Variants in GNAL observed in about 807,000 individuals in gnomAD.
GNAL encodes guanine nucleotide-binding protein G(olf) subunit alpha.
In GNAL, 18 loss-of-function variants were observed where a neutral mutation model predicts 55.1. That is an observed-to-expected ratio of 0.33 (90% confidence interval 0.23 to 0.48). The LOEUF (loss-of-function observed/expected upper bound fraction) is 0.48, where lower values mean the gene tolerates loss of function less well. Ranked by LOEUF, GNAL falls within the 20% of genes least tolerant of loss-of-function variation. The probability of loss-of-function intolerance (pLI) is 0.99; values close to 1 mark genes in which losing one functional copy is unlikely to be tolerated. For missense variants in GNAL, 412 were observed against 614.1 expected (o/e 0.67, Z 3.48); for synonymous variants, 253 against 237.0 (o/e 1.07, Z -0.62).
chr18:11,753,485 T>C lies in GNAL; in HGVS notation c.450-143T>C, dbSNP rs151333049. 3.1e-3 allele frequency: 1,811 copies of C among 588,332 alleles called. 22 individuals are homozygous for C. The highest frequency in any genetic ancestry group is 0.03 in the African/African-American group (1,590 of 53,080). The allele number at this position is 588,332 out of a possible 1,614,324, so 36.4% of individuals were successfully genotyped here. A position where few individuals can be genotyped will look rare whatever the true frequency, so the allele number is the denominator to read the frequency against. The stretch of plus-strand genomic sequence containing the variant: ...GCTTTCCTTTCCCAGATAAAACCTT[T>C]GCGGATGTCTTGGGGGTTGATACTG... On this transcript the variant is annotated intron_variant, in intron 2 of 11. Coordinates refer to ENST00000334049, the MANE Select transcript of GNAL (RefSeq NM_182978.4).
At chr18:11,877,937 G>A (rs931258066) in intron 11 of GNAL, among the ~76,000 whole-genome samples, 3 of 152,146 alleles carry the variant, frequency 2.0e-5, no homozygotes, top group African/African-American at 7.2e-5. Context: ...ATAAATCTGG[G>A]ACATGCTATG....
chr18:11,798,218 A>G (rs2034439464), intron 4 of GNAL, among the ~76,000 whole-genome samples: 1 of 152,222 alleles, frequency 6.6e-6, no homozygotes, highest in South Asian at 2.1e-4. Flanking sequence ...TAAATTAAGT[A>G]ATAACATCTT....
chr18:11,884,922 A>C lies in GNAL; in HGVS notation c.*3787A>C. 1 of 1,288,232 alleles carries C rather than the reference A, an allele frequency of 7.8e-7. No homozygotes were observed. Among genetic ancestry groups the C allele is most frequent in the Non-Finnish European group, 1.0e-6 (1 of 1,001,526 alleles). 79.8% of individuals were successfully genotyped at this position (1,288,232 alleles called of 1,614,324 possible). On this transcript the variant is annotated 3_prime_UTR_variant, in exon 12 of 12. Transcript: ENST00000334049. Reference sequence around the variant, plus strand: ...GGCTCACTGGGTTCCCATCAAATATAGTGGGGGATCCATAACAGAGATTCA... The same window carrying C: ...GGCTCACTGGGTTCCCATCAAATATCGTGGGGGATCCATAACAGAGATTCA...
chr18:11,831,557 G>A (rs2035383693), intron 5 of GNAL, among the ~76,000 whole-genome samples: 2 of 152,230 alleles, frequency 1.3e-5, no homozygotes, highest in South Asian at 4.1e-4. Context: ...TTCAAGAAAA[G>A]GGGGGTTTTC....
At chr18:11,861,575 G>A (rs755171928) in intron 5 of GNAL, among the ~76,000 whole-genome samples, 3 of 152,218 alleles carry the variant, frequency 2.0e-5, no homozygotes, top group South Asian at 2.1e-4. Flanking sequence ...AGTGGGAAAC[G>A]TGCAGCCTGG....
chr18:11,771,970 C>A (rs2143286052), intron 4 of GNAL, among the ~76,000 whole-genome samples: 1 of 152,164 alleles, frequency 6.6e-6, no homozygotes, highest in East Asian at 1.9e-4. Flanking sequence ...ATCTACCTGC[C>A]TCAGCCTCCC....
intron 4 of GNAL, among the ~76,000 whole-genome samples, chr18:11,783,814 T>C (rs763840023): frequency 1.4e-4 from 22 of 152,256 alleles, no homozygotes; most frequent in South Asian, 4.1e-4. Context: ...ATTTGGCATG[T>C]CTGGCACATC....
chr18:11,844,777 C>A (rs183931645), intron 5 of GNAL, among the ~76,000 whole-genome samples: 2 of 152,254 alleles, frequency 1.3e-5, no homozygotes, highest in East Asian at 3.9e-4. Context: ...CCGAGGAGGA[C>A]GAGAGAAGAT....
chr18:11,808,833 G>T (rs1442886602), intron 4 of GNAL, among the ~76,000 whole-genome samples: 3 of 152,280 alleles, frequency 2.0e-5, no homozygotes, highest in Non-Finnish European at 4.4e-5. Flanking sequence ...AAGGACTGAA[G>T]TGCTGACACA....
intron 5 of GNAL, chr18:11,853,376 G>GC (rs780048204): frequency 2.0e-4 from 33 of 167,114 alleles, no homozygotes; most frequent in Non-Finnish European, 2.1e-4. Flanking sequence ...GAAAAGTAAA[G>GC]CATGTATCCA....
rs8091264 is a variant in GNAL at position 11,703,795 on chromosome 18, G to A, written c.376+13856G>A. 1.9e-3 allele frequency among the ~76,000 whole-genome samples: 271 copies of A among 141,508 alleles called. 3 individuals are homozygous for A. The highest frequency in any genetic ancestry group is 7.0e-3 in the African/African-American group (264 of 37,960). 92.8% of individuals were successfully genotyped at this position (141,508 alleles called of 152,430 possible). A position where few individuals can be genotyped will look rare whatever the true frequency, so the allele number is the denominator to read the frequency against. ...GGGATAGGAGGCCCAGTGTTGATGG[G>A]CACACACACACACACACACACACAC... is the stretch of plus-strand genomic sequence containing the variant. On this transcript the variant is annotated intron_variant, in intron 1 of 11. Coordinates refer to ENST00000334049, the MANE Select transcript of GNAL (RefSeq NM_182978.4).
In GNAL at chr18:11,691,426, T is replaced by A. The variant is rs1256875689; in HGVS notation, c.376+1487T>A. On this transcript the variant is annotated intron_variant, in intron 1 of 11. Transcript: ENST00000334049. ...TTTGTAGGTTGCCTGTTTACTCTGA[T>A]GGTAGTTTCTTTTGCTGTGCAGAAG... Among the ~76,000 whole-genome samples, 8 of 150,862 alleles carry A rather than the reference T, an allele frequency of 5.3e-5. No individual in the cohort carries two copies. The East Asian group carries it at 1.5e-3, about 29-fold the overall frequency.
intron 5 of GNAL, chr18:11,852,196 ACT>A: frequency 7.0e-7 from 1 of 1,422,094 alleles, no homozygotes; most frequent in Non-Finnish European, 9.3e-7. Context: ...TACCCTAGAA[ACT>A]CTGAACACGC....
intron 1 of GNAL, among the ~76,000 whole-genome samples, chr18:11,732,787 T>C (rs769881334): frequency 9.2e-5 from 14 of 152,194 alleles, no homozygotes; most frequent in Non-Finnish European, 1.6e-4. Flanking sequence ...GTTTTGTCAA[T>C]GTAAATGTTA....
intron 4 of GNAL, among the ~76,000 whole-genome samples, chr18:11,764,675 C>A (rs1034599750): frequency 6.6e-5 from 10 of 152,074 alleles, no homozygotes; most frequent in Non-Finnish European, 1.2e-4. Context: ...GTGGCTGCCA[C>A]CTGAAATAGC....
At chr18:11,695,912 A>AC (rs1449145919) in intron 1 of GNAL, among the ~76,000 whole-genome samples, 35 of 148,304 alleles carry the variant, frequency 2.4e-4, no homozygotes, top group Admixed American at 1.9e-3. Context: ...TCAGACATGC[A>AC]TGCACGCATG....
At chr18:11,690,970 T>C (rs1228484025) in intron 1 of GNAL, among the ~76,000 whole-genome samples, 1 of 144,800 alleles carries the variant, frequency 6.9e-6, no homozygotes, top group East Asian at 2.0e-4. Flanking sequence ...TTTGGGTATA[T>C]ACCCAGTAAT....
At chr18:11,771,686 G>T (rs1480284224) in intron 4 of GNAL, among the ~76,000 whole-genome samples, 1 of 152,058 alleles carries the variant, frequency 6.6e-6, no homozygotes, top group East Asian at 1.9e-4. Context: ...AGTGCAGTAT[G>T]GCCAGCACAG....
chr18:11,745,736 G>A (rs116410764), intron 1 of GNAL: 2,959 of 167,574 alleles, frequency 0.018, 78 homozygotes, highest in African/African-American at 0.059. Context: ...TTCACCAGTT[G>A]GCAGTGGTTG....
Sources: allele counts gnomAD v4.1 joint callset (sites outside exome capture counted in the v4.1 genomes callset), GRCh38; gene constraint gnomAD v4.1.1; transcripts MANE v1.5; gene names NCBI Gene and HGNC (gene_info 2026-07-23, HGNC 2026-07-21).